Variants in ANK2 observed in about 807,000 individuals in gnomAD.
The protein encoded by ANK2 is ankyrin 2.
Under a neutral mutation model 360.5 loss-of-function variants are expected in ANK2, and 83 were observed. That is an observed-to-expected ratio of 0.23 (90% CI 0.19 to 0.28). The LOEUF is 0.28. ANK2 is among the 10% of genes least tolerant of loss of function. The probability of loss-of-function intolerance (pLI) is 1.00; values close to 1 mark genes in which losing one functional copy is unlikely to be tolerated. For synonymous variants in ANK2, 1,740 were observed against 1,759.5 expected (o/e 0.99, Z 0.28); for missense variants, 4,201 against 4,795.7 (o/e 0.88, Z 3.66).
intron 1 of ANK2, among the ~76,000 whole-genome samples, chr4:113,073,795 G>A (rs1294728330): frequency 6.6e-6 from 1 of 152,200 alleles, no homozygotes; most frequent in African/African-American, 2.4e-5. Flanking sequence ...CTCATCCAAT[G>A]GTGCCCAGGC....
chr4:112,977,195 AAAC>A (rs1281351975), intron 2 of ANK2, among the ~76,000 whole-genome samples: 44 of 152,230 alleles, frequency 2.9e-4, no homozygotes, highest in African/African-American at 4.6e-4. Flanking sequence ...AATCTTAAAA[AAAC>A]AACGAGTTGA....
intron 4 of ANK2, among the ~76,000 whole-genome samples, chr4:113,230,639 A>G (rs1420694264): frequency 2.0e-5 from 3 of 152,210 alleles, no homozygotes; most frequent in Non-Finnish European, 4.4e-5. Context: ...AAGGTCTGAC[A>G]TGGTTTTGAG....
At chr4:112,936,757 C>A (rs1047701988) in intron 2 of ANK2, among the ~76,000 whole-genome samples, 2 of 152,084 alleles carry the variant, frequency 1.3e-5, no homozygotes, top group Non-Finnish European at 2.9e-5. Context: ...TTCCAAACTA[C>A]TATACCAATA....
chr4:112,771,216 G>A, the ANK2 span, among the ~76,000 whole-genome samples: 2 of 152,126 alleles, frequency 1.3e-5, no homozygotes, highest in Admixed American at 6.5e-5. Flanking sequence ...GGGTTCAAGC[G>A]AATCTGCTGC....
At chr4:113,194,949 C>A (rs2098726648) in intron 2 of ANK2, among the ~76,000 whole-genome samples, 1 of 152,056 alleles carries the variant, frequency 6.6e-6, no homozygotes, top group Admixed American at 6.6e-5. Context: ...CACAGTGAAA[C>A]TATAACCTGA....
intron 1 of ANK2, among the ~76,000 whole-genome samples, chr4:112,821,024 G>A (rs1215131126): frequency 1.3e-5 from 2 of 152,156 alleles, no homozygotes; most frequent in Non-Finnish European, 2.9e-5. Flanking sequence ...CGATTCTCCT[G>A]CCTCAGCCTC....
At chr4:113,366,102 A>G (rs894552792) in intron 41 of ANK2, among the ~76,000 whole-genome samples, 1 of 152,080 alleles carries the variant, frequency 6.6e-6, no homozygotes, top group Non-Finnish European at 1.5e-5. Context: ...CTTTTACCCT[A>G]TATGTCCCCC....
chr4:113,258,930 T>C lies in ANK2; in HGVS notation c.1386+519T>C, dbSNP rs546771460. ...TCAATTACATGGATTTCCCATTTTG[T>C]AACATTACGTTGATTTTTACTTTTG... On this transcript the variant is annotated intron_variant, in intron 13 of 45. Transcript: ENST00000357077. Among the ~76,000 whole-genome samples the C allele has an allele frequency of 4.3e-3, 650 of 152,336 alleles. 6 individuals carry two copies. Among genetic ancestry groups the C allele is most frequent in the African/African-American group, 0.015 (609 of 41,582 alleles).
chr4:112,753,918 T>C, the ANK2 span, among the ~76,000 whole-genome samples: 6 of 151,734 alleles, frequency 4.0e-5, no homozygotes, highest in African/African-American at 1.2e-4. Context: ...GCCAACATGG[T>C]GAAACCCTGT....
At chr4:113,250,323 T>G (rs1324099217) in intron 10 of ANK2, among the ~76,000 whole-genome samples, 5 of 152,214 alleles carry the variant, frequency 3.3e-5, no homozygotes, top group Admixed American at 3.3e-4. Context: ...ACAGTGGCAT[T>G]GGTTGATTAT....
chr4:113,117,695 G>A (rs2094956143), intron 1 of ANK2, among the ~76,000 whole-genome samples: 1 of 152,062 alleles, frequency 6.6e-6, no homozygotes, highest in African/African-American at 2.4e-5. Flanking sequence ...TCAAAGCTAG[G>A]TGCTTTATCT....
At chr4:113,023,860 G>A (rs1021734717) in intron 2 of ANK2, among the ~76,000 whole-genome samples, 5 of 152,136 alleles carry the variant, frequency 3.3e-5, no homozygotes, top group Non-Finnish European at 4.4e-5. Flanking sequence ...TGATTTAATC[G>A]TATGTATTTA....
chr4:113,021,541 CATATATATATATATATATATATATAT>C, intron 2 of ANK2, among the ~76,000 whole-genome samples: 1 of 95,640 alleles, frequency 1.0e-5, no homozygotes, highest in South Asian at 3.1e-4. Context: ...CACACACAAA[CATATATATATATATATATATATATAT>C]ATATATATAT....
intron 4 of ANK2, 53 bp from the exon 5 acceptor site, chr4:113,232,108 G>C (rs761327870): frequency 2.1e-5 from 27 of 1,304,714 alleles, no homozygotes; most frequent in Non-Finnish European, 1.7e-5. Flanking sequence ...ACTTCCTAGT[G>C]TTCTCTCTTA....
intron 13 of ANK2, among the ~76,000 whole-genome samples, chr4:113,261,531 TACA>T (rs2153646064): frequency 6.6e-6 from 1 of 152,326 alleles, no homozygotes; most frequent in African/African-American, 2.4e-5. Context: ...AATTATTTAT[TACA>T]ACAATATATC....
At position 113,095,110 on chromosome 4, in the gene ANK2, G is replaced by A. The variant is rs572993058; in HGVS notation, c.84+45298G>A. Among the ~76,000 whole-genome samples, 7 of 152,292 alleles carry A rather than the reference G, an allele frequency of 4.6e-5. No individual in the cohort carries two copies. The East Asian group carries it at 1.4e-3, about 29-fold the overall frequency. ...AACATTAGATCTTCAAAAATGGAAG[G>A]TGAGAACTACCCTCTTCCAATGTTG... On this transcript the variant is annotated intron_variant, in intron 1 of 45. Transcript: ENST00000357077.
chr4:112,973,443 T>A (rs1162578404), intron 2 of ANK2, among the ~76,000 whole-genome samples: 1 of 152,252 alleles, frequency 6.6e-6, no homozygotes, highest in Non-Finnish European at 1.5e-5. Context: ...AGTCTTTGAC[T>A]GCAGAGCTTC....
At chr4:113,137,112 G>A (rs2154382172) in intron 1 of ANK2, among the ~76,000 whole-genome samples, 1 of 152,270 alleles carries the variant, frequency 6.6e-6, no homozygotes, top group East Asian at 1.9e-4. Context: ...GGGATTACAT[G>A]TGTGAGCCAC....
intron 2 of ANK2, among the ~76,000 whole-genome samples, chr4:112,918,490 G>A (rs950454888): frequency 2.0e-5 from 3 of 152,148 alleles, no homozygotes; most frequent in East Asian, 1.9e-4. Context: ...GCGGGGAGAC[G>A]TGGCGGAAAC....
Sources: gnomAD v4.1 joint callset for allele counts (sites outside exome capture counted in the v4.1 genomes callset) on GRCh38, gnomAD v4.1.1 for gene constraint, MANE v1.5 for transcripts, NCBI Gene and HGNC (gene_info 2026-07-23, HGNC 2026-07-21) for gene names.